Variants in RP2 observed in about 807,000 individuals in gnomAD.
RP2 encodes the protein protein XRP2.
Under a neutral mutation model 20.3 loss-of-function variants are expected in RP2, and 3 were observed. The observed-to-expected ratio is 0.15, with a 90% CI of 0.07 to 0.38. The LOEUF (loss-of-function observed/expected upper bound fraction) is 0.38. Ranked by LOEUF, RP2 falls within the 10% of genes least tolerant of loss-of-function variation. The probability of loss-of-function intolerance (pLI) is 1.00; values close to 1 mark genes in which losing one functional copy is unlikely to be tolerated. For missense variants in RP2, 233 were observed against 268.5 expected, an observed-to-expected ratio of 0.87 and a Z score of 0.92; for synonymous variants, 75 against 94.8, an observed-to-expected ratio of 0.79 and a Z score of 1.22.
At chrX:46,845,785 A>G (rs996731207) in intron 1 of RP2, among the ~76,000 whole-genome samples, 4 of 108,895 alleles carry the variant, frequency 3.7e-5, no homozygotes, top group African/African-American at 1.3e-4. Context: ...TTTTTTTGAG[A>G]TGGGGTCTCA....
At chrX:46,867,737 G>T (rs1925201617) in intron 3 of RP2, among the ~76,000 whole-genome samples, 1 of 108,733 alleles carries the variant, frequency 9.2e-6, no homozygotes, top group African/African-American at 3.4e-5. Flanking sequence ...CCCCACATAT[G>T]AGTGAGAGCA....
intron 3 of RP2, among the ~76,000 whole-genome samples, chrX:46,868,063 G>C (rs1925206905): frequency 1.8e-5 from 2 of 111,869 alleles, no homozygotes; most frequent in Non-Finnish European, 3.8e-5. Context: ...TTAGTTTTTT[G>C]AGGGACCTGC....
rs1379227860 is a variant in RP2 at position 46,881,310 on chromosome X, C to G, written c.*1541C>G. The G allele has an allele frequency of 9.0e-6, 1 of 111,142 alleles. No homozygotes were observed. Among genetic ancestry groups the G allele is most frequent in the Non-Finnish European group, 1.9e-5 (1 of 52,995 alleles). 9.2% of individuals were successfully genotyped at this position (111,142 alleles called of 1,213,427 possible). ...ATAAGGGCATTCAATACTACAAAATCAACATGATTTCATAAGGTGCAAATA... is the reference window on the plus strand; with the variant it reads ...ATAAGGGCATTCAATACTACAAAATGAACATGATTTCATAAGGTGCAAATA... On this transcript the variant is annotated 3_prime_UTR_variant, in exon 5 of 5. Transcript: ENST00000218340.
At chrX:46,871,667 C>T (rs1415707995) in intron 3 of RP2, among the ~76,000 whole-genome samples, 2 of 111,862 alleles carry the variant, frequency 1.8e-5, no homozygotes, top group African/African-American at 6.5e-5. Flanking sequence ...GTGTAATCTG[C>T]TGTTGCTTGG....
chrX:46,854,789 G>A (rs975200440), intron 2 of RP2, among the ~76,000 whole-genome samples: 3 of 108,964 alleles, frequency 2.8e-5, no homozygotes, highest in Middle Eastern at 4.7e-3. Flanking sequence ...TTTTTGTGAC[G>A]GGGTCTTGCT....
chrX:46,862,495 C>A (rs1476420174), intron 3 of RP2, among the ~76,000 whole-genome samples: 1 of 110,357 alleles, frequency 9.1e-6, no homozygotes, highest in African/African-American at 3.3e-5. Context: ...CCCGTCTCTA[C>A]TAAAAATACA....
intron 3 of RP2, among the ~76,000 whole-genome samples, chrX:46,865,478 G>A (rs184148064): frequency 8.9e-6 from 1 of 112,095 alleles, no homozygotes; most frequent in Non-Finnish European, 1.9e-5. Flanking sequence ...GGTGATATCT[G>A]CCAGATTTCT....
In RP2 at chrX:46,877,618, A is replaced by G. The variant is rs782795475; in HGVS notation, c.969+28A>G. On this transcript the variant is annotated intron_variant, in intron 4 of 4. Coordinates refer to ENST00000218340, the MANE Select transcript of RP2 (RefSeq NM_006915.3). The stretch of plus-strand genomic sequence containing the variant: ...ACAAGATTTTATTGACTGTATTTCA[A>G]TCTAACTTTTCATTTCATCTCCTTT... The G allele has an allele frequency of 4.7e-5, 47 of 993,650 alleles. No individual in the cohort carries two copies. In the South Asian group the frequency reaches 6.9e-4, roughly 15 times the overall value. The allele number at this position is 993,650 out of a possible 1,213,427, so 81.9% of individuals were successfully genotyped here.
chrX:46,854,240 G>A, intron 2 of RP2, 99 bp downstream of exon 2: 2 of 847,369 alleles, frequency 2.4e-6, no homozygotes, highest in Non-Finnish European at 3.4e-6. Flanking sequence ...TGGAAATACA[G>A]GCAACCCTCA....
intron 3 of RP2, among the ~76,000 whole-genome samples, chrX:46,872,976 C>T (rs1556326991): frequency 9.0e-6 from 1 of 111,187 alleles, no homozygotes; most frequent in Non-Finnish European, 1.9e-5. Context: ...TGGGCTAAAG[C>T]GATCTGCCTG....
intron 1 of RP2, among the ~76,000 whole-genome samples, chrX:46,843,573 G>C (rs1201121449): frequency 4.5e-5 from 5 of 111,752 alleles, no homozygotes; most frequent in Admixed American, 9.6e-5. Flanking sequence ...CAGCCCATGA[G>C]GGGAGGTAAG....
At chrX:46,869,848 A>G (rs1358901956) in intron 3 of RP2, among the ~76,000 whole-genome samples, 1 of 109,811 alleles carries the variant, frequency 9.1e-6, no homozygotes, top group Admixed American at 9.7e-5. Context: ...ACCTCAGGTG[A>G]TCCGCCTGCC....
intron 1 of RP2, among the ~76,000 whole-genome samples, chrX:46,848,867 G>T (rs782017338): frequency 1.9e-5 from 2 of 107,869 alleles, no homozygotes; most frequent in East Asian, 3.1e-4. Flanking sequence ...CATCTCTACA[G>T]AAAATACAAA....
At chrX:46,864,304 A>G (rs1925126797) in intron 3 of RP2, among the ~76,000 whole-genome samples, 1 of 110,432 alleles carries the variant, frequency 9.1e-6, no homozygotes, top group African/African-American at 3.3e-5. Flanking sequence ...CCTTGTCTCA[A>G]ATACATAAAT....
At chrX:46,872,685 C>T (rs983719467) in intron 3 of RP2, among the ~76,000 whole-genome samples, 2 of 111,597 alleles carry the variant, frequency 1.8e-5, no homozygotes, top group Non-Finnish European at 3.8e-5. Context: ...ACACCTAATA[C>T]GTTGTTAATG....
At chrX:46,847,123 T>C (rs1924729240) in intron 1 of RP2, among the ~76,000 whole-genome samples, 1 of 112,289 alleles carries the variant, frequency 8.9e-6, no homozygotes, top group African/African-American at 3.2e-5. Context: ...TGTATTTACC[T>C]AAATGTTGAG....
At chrX:46,865,133 T>C (rs1337703055) in intron 3 of RP2, among the ~76,000 whole-genome samples, 1 of 112,579 alleles carries the variant, frequency 8.9e-6, no homozygotes, top group Non-Finnish European at 1.9e-5. Flanking sequence ...AAATTTACAT[T>C]GGTAAAATGC....
At chrX:46,858,474 A>T (rs989948364) in intron 2 of RP2, among the ~76,000 whole-genome samples, 8 of 103,268 alleles carry the variant, frequency 7.7e-5, no homozygotes, top group Non-Finnish European at 1.0e-4. Context: ...ATATGACTAC[A>T]TTTTTTTTTT....
At position 46,847,025 on chromosome X, in the gene RP2, C is replaced by T. The variant is rs969715460; in HGVS notation, c.103-6451C>T. ...ATTACAGCTGTGAGCTACTGCACCT[C>T]GCCTAGCTTTAAAAAAAAATGTTTA... On this transcript the variant is annotated intron_variant, in intron 1 of 4. Coordinates refer to ENST00000218340, the MANE Select transcript of RP2 (RefSeq NM_006915.3). Among the ~76,000 whole-genome samples, 211 of 111,830 alleles carry T rather than the reference C, an allele frequency of 1.9e-3. 1 individual carries two copies. Among genetic ancestry groups the T allele is most frequent in the African/African-American group, 6.6e-3 (205 of 30,829 alleles).
Sources: allele counts gnomAD v4.1 joint callset (sites outside exome capture counted in the v4.1 genomes callset), GRCh38; gene constraint gnomAD v4.1.1; transcripts MANE v1.5; gene names NCBI Gene and HGNC (gene_info 2026-07-23, HGNC 2026-07-21).